The following CFAP299 variants were observed in gnomAD, a reference collection of about 807,000 sequenced individuals.
CFAP299 encodes cilia- and flagella-associated protein 299.
CFAP299 carries 21 observed loss-of-function variants against 27.0 expected under a neutral mutation model. The observed-to-expected ratio is 0.78, with a 90% confidence interval of 0.55 to 1.12. The LOEUF is 1.12. Among genes scored for constraint, CFAP299 ranks in the 50% most tolerant of loss-of-function variants. The pLI is 0.00. For synonymous variants in CFAP299, 104 were observed against 98.1 expected (o/e 1.06, Z -0.36); for missense variants, 310 against 276.6 (o/e 1.12, Z -0.86).
chr4:80,752,251 A>T (rs1225368702), intron 3 of CFAP299, among the ~76,000 whole-genome samples: 3 of 151,904 alleles, frequency 2.0e-5, no homozygotes, highest in Non-Finnish European at 4.4e-5. Flanking sequence ...CCAATGCAAG[A>T]ACCTAGGTAT....
intron 3 of CFAP299, among the ~76,000 whole-genome samples, chr4:80,812,070 T>C (rs183106468): frequency 3.5e-4 from 54 of 152,200 alleles, no homozygotes; most frequent in Admixed American, 7.9e-4. Context: ...TTTTAGAATA[T>C]ATGAATACAA....
chr4:80,877,933 T>C (rs1191756061), intron 4 of CFAP299, among the ~76,000 whole-genome samples: 1 of 152,136 alleles, frequency 6.6e-6, no homozygotes, highest in Non-Finnish European at 1.5e-5. Context: ...TTGTACTATT[T>C]GAAAGTAGCT....
At chr4:80,710,034 G>A (rs1722050029) in intron 3 of CFAP299, among the ~76,000 whole-genome samples, 2 of 152,132 alleles carry the variant, frequency 1.3e-5, no homozygotes, top group Admixed American at 6.6e-5. Flanking sequence ...CATCCATAAA[G>A]TGGGAATAAT....
intron 2 of CFAP299, among the ~76,000 whole-genome samples, chr4:80,399,512 T>TA: frequency 6.6e-6 from 1 of 152,024 alleles, no homozygotes; most frequent in East Asian, 1.9e-4. Context: ...TATACGGCCA[T>TA]AAAAAATGAT....
chr4:80,482,948 C>T (rs1268868824), intron 2 of CFAP299, among the ~76,000 whole-genome samples: 2 of 152,182 alleles, frequency 1.3e-5, no homozygotes, highest in African/African-American at 4.8e-5. Flanking sequence ...ACCTTCCCTT[C>T]CCCAAGATGT....
intron 2 of CFAP299, among the ~76,000 whole-genome samples, chr4:80,379,450 T>C: frequency 6.7e-6 from 1 of 149,386 alleles, no homozygotes; most frequent in Admixed American, 6.7e-5. Context: ...GTAATTAATT[T>C]GTTTTAGTTT....
chr4:80,897,125 T>C (rs1412328387), intron 4 of CFAP299, among the ~76,000 whole-genome samples: 2 of 152,164 alleles, frequency 1.3e-5, no homozygotes, highest in African/African-American at 4.8e-5. Flanking sequence ...CTTAACCTTC[T>C]GGATATATTC....
intron 3 of CFAP299, among the ~76,000 whole-genome samples, chr4:80,773,326 A>G (rs1175908294): frequency 6.6e-6 from 1 of 152,180 alleles, no homozygotes; most frequent in Non-Finnish European, 1.5e-5. Context: ...GTGGTAAAGT[A>G]TATAGGGTGT....
chr4:80,644,233 A>T (rs989280905), intron 3 of CFAP299, among the ~76,000 whole-genome samples: 2 of 152,146 alleles, frequency 1.3e-5, no homozygotes, highest in African/African-American at 4.8e-5. Context: ...TTTGTATGTC[A>T]TGTTATTACT....
At position 80,657,964 on chromosome 4, in the gene CFAP299, T is replaced by TG. The variant is rs565478184; in HGVS notation, c.333+74782dup. Among the ~76,000 whole-genome samples, 84 of 152,286 alleles carry TG rather than the reference T, an allele frequency of 5.5e-4. 1 individual carries two copies. The highest frequency in any genetic ancestry group is 1.9e-3 in the African/African-American group (77 of 41,566). On this transcript the variant is annotated intron_variant, in intron 3 of 5. Coordinates refer to ENST00000358105, the MANE Select transcript of CFAP299 (RefSeq NM_152770.3). ...TCCTTCACATCCTTTGTAAGATGTA[T>TG]GCCTAGGTATTTTATTCTCTTTGTA...
chr4:80,739,138 T>G (rs1307498063), intron 3 of CFAP299, among the ~76,000 whole-genome samples: 1 of 152,138 alleles, frequency 6.6e-6, no homozygotes, highest in Non-Finnish European at 1.5e-5. Context: ...GTTGTTTTAG[T>G]TATTGGTTTT....
At chr4:80,845,200 C>T (rs754213285) in intron 3 of CFAP299, among the ~76,000 whole-genome samples, 86 of 151,346 alleles carry the variant, frequency 5.7e-4, no homozygotes, top group Admixed American at 2.4e-3. Flanking sequence ...ATGCCTCCAG[C>T]TTTGTTCTTT....
intron 3 of CFAP299, among the ~76,000 whole-genome samples, chr4:80,833,985 G>A (rs900545136): frequency 6.6e-6 from 1 of 152,198 alleles, no homozygotes; most frequent in Non-Finnish European, 1.5e-5. Context: ...CACTGGTGAG[G>A]TTTACAAGGA....
At chr4:80,953,237 G>T (rs115434819) in intron 5 of CFAP299, among the ~76,000 whole-genome samples, 2,828 of 152,140 alleles carry the variant, frequency 0.019, 72 homozygotes, top group African/African-American at 0.048. Context: ...CACTTTTTTG[G>T]CCCCTGTATT....
intron 2 of CFAP299, among the ~76,000 whole-genome samples, chr4:80,401,238 G>A (rs1578403523): frequency 6.6e-6 from 1 of 152,312 alleles, no homozygotes; most frequent in East Asian, 1.9e-4. Flanking sequence ...ATTTGCATAA[G>A]TAGCAAGAAG....
At chr4:80,884,761 G>A (rs1467539401) in intron 4 of CFAP299, among the ~76,000 whole-genome samples, 1 of 151,368 alleles carries the variant, frequency 6.6e-6, no homozygotes, top group Non-Finnish European at 1.5e-5. Context: ...AAATAAAGGA[G>A]AGAGGGTGGA....
At chr4:80,676,325 T>G (rs1449496210) in intron 3 of CFAP299, among the ~76,000 whole-genome samples, 1 of 152,214 alleles carries the variant, frequency 6.6e-6, no homozygotes, top group Non-Finnish European at 1.5e-5. Flanking sequence ...TAGTGAATGA[T>G]CTTTTTAACA....
intron 2 of CFAP299, among the ~76,000 whole-genome samples, chr4:80,385,546 G>A (rs905607310): frequency 2.6e-5 from 4 of 151,930 alleles, no homozygotes; most frequent in African/African-American, 9.7e-5. Flanking sequence ...TGTATTGTAA[G>A]CCCCATTGTA....
At chr4:80,916,276 TATATATATATATATATATA>T (rs2110207542) in intron 4 of CFAP299, among the ~76,000 whole-genome samples, 1 of 114,516 alleles carries the variant, frequency 8.7e-6, no homozygotes, top group African/African-American at 4.3e-5. Flanking sequence ...TATATATATA[TATATATATATATATATATA>T]TTTCAGGTAC....
Sources: allele counts gnomAD v4.1 joint callset (sites outside exome capture counted in the v4.1 genomes callset), GRCh38; gene constraint gnomAD v4.1.1; transcripts MANE v1.5; gene names NCBI Gene and HGNC (gene_info 2026-07-23, HGNC 2026-07-21).